The following VPS13D variants were observed in gnomAD, a reference collection of about 807,000 sequenced individuals.
The protein encoded by VPS13D is vacuolar protein sorting 13 homolog D, also known as intermembrane lipid transfer protein VPS13D.
VPS13D carries 187 observed loss-of-function variants against 461.9 expected under a neutral mutation model. The ratio of observed to expected loss-of-function variants is 0.40; its 90% CI spans 0.36 to 0.46. The LOEUF (loss-of-function observed/expected upper bound fraction) is 0.46, where lower values mean the gene tolerates loss of function less well. VPS13D is among the 20% of genes least tolerant of loss of function. VPS13D has a pLI of 0.60. For missense variants in VPS13D, 4,711 were observed against 5,364.9 expected, an observed-to-expected ratio of 0.88 and a Z score of 3.81; for synonymous variants, 1,951 against 1,986.3, an observed-to-expected ratio of 0.98 and a Z score of 0.47.
rs1641087430 is a variant in VPS13D at position 12,260,942 on chromosome 1, A to G, written c.1213-6A>G. ...ACTCATCTCTGCTCCTTTGTGATTG[A>G]CACAGAGTCTGCGGGAGCCTCAGTT... is the stretch of plus-strand genomic sequence containing the variant. On this transcript the variant is annotated splice_region_variant and splice_polypyrimidine_tract_variant and intron_variant, in intron 11 of 69. Transcript: ENST00000620676. 2 of 1,614,038 alleles carry G rather than the reference A, an allele frequency of 1.2e-6. No individual in the cohort carries two copies. The highest frequency in any genetic ancestry group is 4.5e-5 in the East Asian group (2 of 44,886).
intron 50 of VPS13D, among the ~76,000 whole-genome samples, chr1:12,360,886 A>G (rs1209295589): frequency 6.6e-6 from 1 of 152,212 alleles, no homozygotes; most frequent in Non-Finnish European, 1.5e-5. Flanking sequence ...GCCGGTTGTC[A>G]AATGCTAAGG....
intron 65 of VPS13D, among the ~76,000 whole-genome samples, chr1:12,435,269 G>A (rs1645044977): frequency 6.6e-6 from 1 of 151,540 alleles, no homozygotes; most frequent in Non-Finnish European, 1.5e-5. Flanking sequence ...GACCAGCCTG[G>A]GCAACATGAC....
At chr1:12,292,001 G>C (rs1038840810) in intron 23 of VPS13D, among the ~76,000 whole-genome samples, 2 of 152,196 alleles carry the variant, frequency 1.3e-5, no homozygotes, top group Admixed American at 1.3e-4. Context: ...GCTCACGCCT[G>C]TAATCCCAGC....
Position 12,341,878 on chromosome 1 carries a change from C to T in VPS13D, c.8725C>T (p.Pro2909Ser), listed in dbSNP as rs1557720507. Reference protein sequence around the residue: ...TLWFATLTTTPTRAALSHSGS... With the variant: ...TLWFATLTTTSTRAALSHSGS... ...GTGGTTTGCCACCCTGACCACCACA[C>T]CCACCAGGTAAGCAGTCAGTTTATA... The change falls in exon 41 of 70, where the codon CCC (proline) becomes TCC (serine). Residue 2909 changes from proline to serine, a missense_variant. Physicochemically the swap from Pro to Ser is moderately conservative, Grantham distance 74. This residue lies in a region of VPS13D where 4,411 missense variants were observed against 4,937.8 expected (regional missense o/e 0.89). Coordinates refer to ENST00000620676, the MANE Select transcript of VPS13D (RefSeq NM_015378.4). 1.9e-6 allele frequency: 3 copies of T among 1,613,992 alleles called. No individual in the cohort carries two copies. Among genetic ancestry groups the T allele is most frequent in the East Asian group, 2.2e-5 (1 of 44,882 alleles).
intron 20 of VPS13D, among the ~76,000 whole-genome samples, chr1:12,281,708 A>C (rs1376343738): frequency 1.3e-5 from 2 of 152,110 alleles, no homozygotes; most frequent in African/African-American, 4.8e-5. Context: ...CTCCATTGCA[A>C]AATTCCCTGT....
Position 12,321,746 on chromosome 1 carries a change from C to T in VPS13D, c.7549-63C>T. 2.6e-6 allele frequency: 4 copies of T among 1,521,232 alleles called. No individual in the cohort carries two copies. In the East Asian group the frequency reaches 7.0e-5, roughly 27 times the overall value. The allele number at this position is 1,521,232 out of a possible 1,614,324, so 94.2% of individuals were successfully genotyped here. Reference sequence around the variant, plus strand: ...CTGCTTCTGAGATAGCCTCTTTGTGCTGGTAGTTGGACCCTTCCTAAATCA... The same window carrying T: ...CTGCTTCTGAGATAGCCTCTTTGTGTTGGTAGTTGGACCCTTCCTAAATCA... On this transcript the variant is annotated intron_variant, in intron 32 of 69. Transcript: ENST00000620676.
Position 12,311,615 on chromosome 1 carries a change from C to G in VPS13D, c.6812C>G (p.Pro2271Arg), listed in dbSNP as rs1476509905. 1 of 1,613,888 alleles carries G rather than the reference C, an allele frequency of 6.2e-7. No individual in the cohort carries two copies. The highest frequency in any genetic ancestry group is 8.5e-7 in the Non-Finnish European group (1 of 1,179,948). The change falls in exon 28 of 70, where the codon CCA (proline) becomes CGA (arginine). Residue 2271 changes from proline to arginine, a missense_variant. This residue lies in a region of VPS13D where 4,411 missense variants were observed against 4,937.8 expected (regional missense o/e 0.89). Transcript: ENST00000620676. ...ATGCGGCCTTATGATTTACAAGATC[C>G]AAGAATTCATGTGAGTGAGACCTTA... is the stretch of plus-strand genomic sequence containing the variant. Reference protein sequence around the residue: ...EFMRPYDLQDPRIHTVLSGEV... With the variant: ...EFMRPYDLQDRRIHTVLSGEV...
At chr1:12,476,921 CT>C (rs1645638033) in intron 67 of VPS13D, among the ~76,000 whole-genome samples, 2 of 152,200 alleles carry the variant, frequency 1.3e-5, no homozygotes, top group Admixed American at 1.3e-4. Flanking sequence ...TTTACAGTTT[CT>C]GTTCAGAAAT....
rs1305157106 is a variant in VPS13D at position 12,373,816 on chromosome 1, G to A, written c.10875G>A (p.Leu3625=). The change falls in exon 55 of 70, where the codon TTG becomes TTA. Residue 3625 remains leucine (L), a synonymous_variant. Coordinates refer to ENST00000620676, the MANE Select transcript of VPS13D (RefSeq NM_015378.4). ...CCATTACCTGTGCGGAGCTCGTTTT[G>A]GATGTCTCACCCAAGACACAAAGAG... ...NKAITCAELV[L]DVSPKTQRVI... is the part of the protein sequence containing the mutation. The A allele has an allele frequency of 6.2e-7, 1 of 1,606,680 alleles. No homozygotes were observed. The highest frequency in any genetic ancestry group is 1.7e-5 in the Admixed American group (1 of 59,236).
intron 60 of VPS13D, among the ~76,000 whole-genome samples, chr1:12,394,815 T>C (rs1644474191): frequency 6.6e-6 from 1 of 152,050 alleles, no homozygotes; most frequent in Admixed American, 6.5e-5. Flanking sequence ...ACCAAGTAAA[T>C]AAACTATTAG....
At chr1:12,271,238 T>A in intron 17 of VPS13D, 114 bp downstream of exon 17, 1 of 1,322,782 alleles carries the variant, frequency 7.6e-7, no homozygotes, top group Non-Finnish European at 1.0e-6. Context: ...GCTGACTGAG[T>A]AAACTGAAAA....
At chr1:12,325,159 CAT>C (rs1489862861) in intron 35 of VPS13D, among the ~76,000 whole-genome samples, 1 of 152,178 alleles carries the variant, frequency 6.6e-6, no homozygotes, top group Admixed American at 6.6e-5. Flanking sequence ...GTGGCGCAAT[CAT>C]AGCTCACTGC....
intron 67 of VPS13D, chr1:12,479,016 A>G: frequency 2.5e-6 from 1 of 402,770 alleles, no homozygotes; most frequent in Non-Finnish European, 5.1e-6. Context: ...AGCAGGTGGA[A>G]GGCCGCCCCA....
rs780534218 is a variant in VPS13D at position 12,260,998 on chromosome 1, A to G, written c.1263A>G (p.Pro421=). Residue 421 remains proline (P), a synonymous_variant, in exon 12 of 70, where the codon CCA becomes CCG. Coordinates refer to ENST00000620676, the MANE Select transcript of VPS13D (RefSeq NM_015378.4). ...CTCCAGGAGCCTGTCCGGGAGCCCCAGAACCCGGTGGAGGCAGTGGGATGC... is the reference window on the plus strand; with the variant it reads ...CTCCAGGAGCCTGTCCGGGAGCCCCGGAACCCGGTGGAGGCAGTGGGATGC... ...FDSPGACPGA[P]EPGGGSGMLQ... 1 of 1,613,910 alleles carries G rather than the reference A, an allele frequency of 6.2e-7. No individual in the cohort carries two copies. The highest frequency in any genetic ancestry group is 8.5e-7 in the Non-Finnish European group (1 of 1,180,020).
chr1:12,432,212 G>A lies in VPS13D; in HGVS notation c.12333+15385G>A, dbSNP rs185679421. On this transcript the variant is annotated intron_variant, in intron 65 of 69. Transcript: ENST00000620676. ...AGTTCGAGATTAGCCTGACTAACTT[G>A]GAGAAACCCCATCTCTACTAAAAAT... 1.2e-3 allele frequency among the ~76,000 whole-genome samples: 183 copies of A among 152,044 alleles called. 1 individual carries two copies. Among genetic ancestry groups the A allele is most frequent in the Non-Finnish European group, 2.1e-4 (14 of 67,966 alleles).
intron 2 of VPS13D, among the ~76,000 whole-genome samples, chr1:12,235,805 A>G (rs1640129997): frequency 6.6e-6 from 1 of 152,136 alleles, no homozygotes; most frequent in Non-Finnish European, 1.5e-5. Flanking sequence ...AGTAGTGTCA[A>G]GTTCACCTCT....
chr1:12,324,838 C>A (rs1643137155), intron 35 of VPS13D, among the ~76,000 whole-genome samples: 1 of 152,178 alleles, frequency 6.6e-6, no homozygotes. Context: ...CTCTTCACAG[C>A]CCTTGGAGGC....
intron 65 of VPS13D, among the ~76,000 whole-genome samples, chr1:12,427,017 G>T (rs1557432011): frequency 7.3e-5 from 11 of 151,722 alleles, no homozygotes; most frequent in Admixed American, 6.6e-4. Flanking sequence ...TTCGTCTCAA[G>T]AAATAAATAA....
rs755895329 is a variant in VPS13D at position 12,311,312 on chromosome 1, A to G, written c.6651-142A>G. The G allele has an allele frequency of 6.0e-4, 396 of 664,936 alleles. 2 individuals carry two copies. The highest frequency in any genetic ancestry group is 8.3e-4 in the Non-Finnish European group (347 of 420,402). 41.2% of individuals were successfully genotyped at this position (664,936 alleles called of 1,614,324 possible). Reference sequence around the variant, plus strand: ...ATTAACTTGCTTCATTTGGAGCTACATGAAATTTTTGTCATTGGAAGTAGG... The same window carrying G: ...ATTAACTTGCTTCATTTGGAGCTACGTGAAATTTTTGTCATTGGAAGTAGG... On this transcript the variant is annotated intron_variant, in intron 27 of 69. Transcript: ENST00000620676.
Sources: gnomAD v4.1 joint callset for allele counts (sites outside exome capture counted in the v4.1 genomes callset) on GRCh38, gnomAD v4.1.1 for gene constraint, gnomAD v4.1.1 regional missense constraint, MANE v1.5 for transcripts, NCBI Gene and HGNC (gene_info 2026-07-23, HGNC 2026-07-21) for gene names.